The following APBB2 variants were observed in gnomAD, a reference collection of about 807,000 sequenced individuals.
APBB2 encodes amyloid beta precursor protein binding family B member 2.
Under a neutral mutation model 82.5 loss-of-function variants are expected in APBB2, and 38 were observed. The ratio of observed to expected loss-of-function variants is 0.46; its 90% confidence interval spans 0.36 to 0.60. The LOEUF is 0.60. Among genes scored for constraint, APBB2 ranks in the 20% least tolerant of loss-of-function variants. The pLI is 0.00. For missense variants in APBB2, 772 were observed against 972.3 expected (o/e 0.79, Z 2.74); for synonymous variants, 341 against 368.2 (o/e 0.93, Z 0.85).
chr4:40,886,888 C>T (rs766465055), intron 12 of APBB2, among the ~76,000 whole-genome samples: 5 of 152,174 alleles, frequency 3.3e-5, no homozygotes, highest in Non-Finnish European at 5.9e-5. Flanking sequence ...CTCCAGGGGC[C>T]GTGACATTTA....
intron 6 of APBB2, among the ~76,000 whole-genome samples, chr4:41,007,586 C>T (rs947590747): frequency 2.0e-5 from 3 of 152,080 alleles, no homozygotes; most frequent in Non-Finnish European, 4.4e-5. Context: ...ATTAGTGGCC[C>T]CAATTCTTCA....
intron 10 of APBB2, among the ~76,000 whole-genome samples, chr4:40,919,506 T>A (rs1780717257): frequency 6.6e-6 from 1 of 152,242 alleles, no homozygotes; most frequent in South Asian, 2.1e-4. Flanking sequence ...AAATCCATGC[T>A]GCTTAATTTA....
intron 2 of APBB2, among the ~76,000 whole-genome samples, chr4:41,113,702 T>C (rs1461110071): frequency 6.6e-6 from 1 of 152,210 alleles, no homozygotes; most frequent in Non-Finnish European, 1.5e-5. Context: ...TGGGGACTAC[T>C]GTTAATTTTG....
intron 1 of APBB2, among the ~76,000 whole-genome samples, chr4:41,157,354 C>A (rs547280286): frequency 6.6e-6 from 1 of 152,204 alleles, no homozygotes; most frequent in Non-Finnish European, 1.5e-5. Context: ...GACCTTCTAA[C>A]ACTAGGTTGG....
chr4:41,048,097 CCAAA>C (rs1196254558), intron 4 of APBB2, among the ~76,000 whole-genome samples: 2 of 152,212 alleles, frequency 1.3e-5, no homozygotes, highest in Non-Finnish European at 2.9e-5. Flanking sequence ...CCAGATTTCA[CCAAA>C]CAGTGGCCTA....
intron 12 of APBB2, chr4:40,880,766 A>AT (rs1321391363): frequency 2.0e-6 from 2 of 985,324 alleles, no homozygotes; most frequent in Middle Eastern, 5.2e-4. Flanking sequence ...GATCATCATC[A>AT]GACTTTTCTG....
At chr4:41,199,416 C>T (rs1024287525) in intron 1 of APBB2, among the ~76,000 whole-genome samples, 1 of 152,162 alleles carries the variant, frequency 6.6e-6, no homozygotes, top group African/African-American at 2.4e-5. Flanking sequence ...AGAAGAGAAG[C>T]TAGTTAATAT....
At chr4:41,206,895 C>T (rs1047514936) in intron 1 of APBB2, among the ~76,000 whole-genome samples, 1 of 152,086 alleles carries the variant, frequency 6.6e-6, no homozygotes, top group Admixed American at 6.6e-5. Flanking sequence ...ACAGAGCCAG[C>T]ACCAAAGAGC....
intron 17 of APBB2, among the ~76,000 whole-genome samples, chr4:40,820,602 T>A (rs919456212): frequency 6.6e-6 from 1 of 151,824 alleles, no homozygotes; most frequent in Non-Finnish European, 1.5e-5. Flanking sequence ...GAGGCGAAGG[T>A]TGCAGTGAGC....
rs80099900 is a variant in APBB2 at position 40,906,839 on chromosome 4, C to A, written c.1255-13428G>T. Among the ~76,000 whole-genome samples, 861 of 152,214 alleles carry A rather than the reference C, an allele frequency of 5.7e-3. 9 individuals are homozygous for A. Among genetic ancestry groups the A allele is most frequent in the African/African-American group, 0.02 (822 of 41,532 alleles). On this transcript the variant is annotated intron_variant, in intron 10 of 17. Transcript: ENST00000508593. ...TTGAGATAAGCAAACAGACTCCTGG[C>A]AAATTTAAGGTTTCCTAAAACAGAG... is the stretch of plus-strand genomic sequence containing the variant.
intron 3 of APBB2, among the ~76,000 whole-genome samples, chr4:41,066,021 A>G (rs1038792893): frequency 1.3e-5 from 2 of 152,198 alleles, no homozygotes; most frequent in African/African-American, 4.8e-5. Flanking sequence ...ATCAAGGAAT[A>G]GCACTGCCTG....
intron 1 of APBB2, among the ~76,000 whole-genome samples, chr4:41,147,637 C>T (rs142753878): frequency 0.049 from 7,498 of 151,962 alleles, 261 homozygotes; most frequent in Non-Finnish European, 0.077. Context: ...ATTACAGGCG[C>T]GCACCACCAC....
intron 4 of APBB2, among the ~76,000 whole-genome samples, chr4:41,037,051 A>G (rs1382755971): frequency 1.3e-5 from 2 of 152,246 alleles, no homozygotes; most frequent in Non-Finnish European, 2.9e-5. Flanking sequence ...CTTAAAAGGT[A>G]GCGCAACCGA....
chr4:40,873,826 A>G (rs985632297), intron 12 of APBB2, among the ~76,000 whole-genome samples: 1 of 152,160 alleles, frequency 6.6e-6, no homozygotes, highest in Non-Finnish European at 1.5e-5. Context: ...GGGGGAAAAA[A>G]CCCGCAAAAT....
intron 6 of APBB2, among the ~76,000 whole-genome samples, chr4:41,003,245 T>C (rs1400124640): frequency 6.6e-6 from 1 of 152,226 alleles, no homozygotes; most frequent in African/African-American, 2.4e-5. Flanking sequence ...TGAACAAAGG[T>C]AACCCCAAAC....
chr4:41,201,262 A>C (rs190419880), intron 1 of APBB2, among the ~76,000 whole-genome samples: 10 of 152,328 alleles, frequency 6.6e-5, no homozygotes, highest in South Asian at 2.1e-4. Flanking sequence ...ATCAAACTGT[A>C]ATATGAAGTA....
At chr4:41,145,077 G>GTCAC (rs1245614515) in intron 1 of APBB2, among the ~76,000 whole-genome samples, 1 of 152,176 alleles carries the variant, frequency 6.6e-6, no homozygotes, top group Non-Finnish European at 1.5e-5. Context: ...CCATGTTCAC[G>GTCAC]TCACTATACT....
At chr4:40,861,057 T>A (rs1762633635) in intron 12 of APBB2, among the ~76,000 whole-genome samples, 1 of 152,178 alleles carries the variant, frequency 6.6e-6, no homozygotes, top group Non-Finnish European at 1.5e-5. Flanking sequence ...CTACAAAAAA[T>A]TTTAAACATT....
At chr4:41,169,183 C>CA (rs60032221) in intron 1 of APBB2, among the ~76,000 whole-genome samples, 2,736 of 59,948 alleles carry the variant, frequency 0.046, 94 homozygotes, top group African/African-American at 0.094. Flanking sequence ...CACTCCGTCT[C>CA]AAAAAAAAAA....
Sources: allele counts gnomAD v4.1 joint callset (sites outside exome capture counted in the v4.1 genomes callset), GRCh38; gene constraint gnomAD v4.1.1; transcripts MANE v1.5; gene names NCBI Gene and HGNC (gene_info 2026-07-23, HGNC 2026-07-21).